Variants in PLA2G5 observed in about 807,000 individuals in gnomAD.
The protein encoded by PLA2G5 is phospholipase A2 group V, also known as Ca2+-dependent phospholipase A2.
PLA2G5 carries 12 observed loss-of-function variants against 15.9 expected under a neutral mutation model. The observed-to-expected ratio is 0.76, with a 90% CI of 0.48 to 1.23. The LOEUF is 1.23. Ranked by LOEUF, PLA2G5 falls within the 50% of genes most tolerant of loss-of-function variation. The pLI is 0.00. For missense variants in PLA2G5, 169 were observed against 177.1 expected, an observed-to-expected ratio of 0.95 and a Z score of 0.26; for synonymous variants, 71 against 71.4, an observed-to-expected ratio of 0.99 and a Z score of 0.03.
chr1:20,060,178 G>A (rs1047586892), intron 2 of PLA2G5, among the ~76,000 whole-genome samples: 1 of 151,504 alleles, frequency 6.6e-6, no homozygotes, highest in African/African-American at 2.4e-5. Context: ...CCATGCTTTT[G>A]GAGGTAGAAC....
chr1:20,084,810 T>C lies in PLA2G5; in HGVS notation c.-10-11T>C. On this transcript the variant is annotated splice_polypyrimidine_tract_variant and intron_variant, in intron 1 of 4. Transcript: ENST00000375108. ...TGATAGATCTGTTGTGGGATGTGTT[T>C]TTTTTTCCAGAACCCCAGAGATGAA... 6.2e-7 allele frequency: 1 copy of C among 1,600,322 alleles called. No individual in the cohort carries two copies. The highest frequency in any genetic ancestry group is 1.1e-5 in the South Asian group (1 of 90,812).
At chr1:20,083,477 C>T (rs2016132988) in intron 1 of PLA2G5, among the ~76,000 whole-genome samples, 1 of 151,702 alleles carries the variant, frequency 6.6e-6, no homozygotes, top group South Asian at 2.1e-4. Flanking sequence ...CCAGGCCTGC[C>T]GAGCTGTGGA....
At chr1:20,058,306 G>A (rs561870508) in intron 1 of PLA2G5, among the ~76,000 whole-genome samples, 3 of 152,086 alleles carry the variant, frequency 2.0e-5, no homozygotes, top group African/African-American at 7.2e-5. Context: ...TTGACACTCC[G>A]TTGTGAGGGG....
At chr1:20,068,951 T>A (rs558862046), upstream of PLA2G5, 1 of 1,288,816 alleles carries the variant, frequency 7.8e-7, no homozygotes, top group Non-Finnish European at 1.0e-6. Context: ...AGGACCCGGA[T>A]GGAAGTTAGG....
At chr1:20,076,186 C>A (rs687905) in intron 1 of PLA2G5, among the ~76,000 whole-genome samples, 1,874 of 152,266 alleles carry the variant, frequency 0.012, 34 homozygotes, top group African/African-American at 0.043. Flanking sequence ...ATGTGGATGT[C>A]TGTCTAGGAT....
chr1:20,087,988 C>G lies in PLA2G5; in HGVS notation c.185+1761C>G, dbSNP rs796864522. On this transcript the variant is annotated intron_variant, in intron 3 of 4. Transcript: ENST00000375108. The stretch of plus-strand genomic sequence containing the variant: ...AATCGTGGGGCATCTTATAAAATGT[C>G]TAACCAGTACCCCCTCAAAACAGTC... Among the ~76,000 whole-genome samples the G allele has an allele frequency of 2.4e-4, 37 of 152,294 alleles. 1 individual carries two copies. The highest frequency in any genetic ancestry group is 6.7e-4 in the African/African-American group (28 of 41,554).
At chr1:20,029,803 G>T (rs539595047) in intron 1 of PLA2G5, among the ~76,000 whole-genome samples, 1 of 152,302 alleles carries the variant, frequency 6.6e-6, no homozygotes, top group African/African-American at 2.4e-5. Context: ...GAATAGTTTG[G>T]TTGTTAGGCA....
chr1:20,075,548 C>T (rs1344138453), intron 1 of PLA2G5, among the ~76,000 whole-genome samples: 2 of 152,174 alleles, frequency 1.3e-5, no homozygotes, highest in Non-Finnish European at 2.9e-5. Flanking sequence ...AGAAAGTTGC[C>T]AGAGGTCACA....
At chr1:20,052,958 T>C (rs945678932) in intron 1 of PLA2G5, among the ~76,000 whole-genome samples, 4 of 152,154 alleles carry the variant, frequency 2.6e-5, no homozygotes, top group African/African-American at 9.7e-5. Context: ...CACTTCAAAT[T>C]GTCCTGCCTT....
chr1:20,029,918 G>A (rs1027733081), intron 1 of PLA2G5, among the ~76,000 whole-genome samples: 1 of 152,228 alleles, frequency 6.6e-6, no homozygotes, highest in African/African-American at 2.4e-5. Flanking sequence ...AACAATAGGG[G>A]TGGGCAGACA....
At chr1:20,057,524 A>G (rs2014496940) in intron 1 of PLA2G5, among the ~76,000 whole-genome samples, 1 of 152,104 alleles carries the variant, frequency 6.6e-6, no homozygotes, top group Non-Finnish European at 1.5e-5. Flanking sequence ...ATATTTAAAG[A>G]GTCTCGCTCT....
At chr1:20,087,497 C>T (rs955932027) in intron 3 of PLA2G5, among the ~76,000 whole-genome samples, 2 of 152,012 alleles carry the variant, frequency 1.3e-5, no homozygotes, top group South Asian at 2.1e-4. Context: ...GGGTTCATGC[C>T]GTTCTCCTGC....
chr1:20,043,810 A>G (rs938778674), intron 1 of PLA2G5, among the ~76,000 whole-genome samples: 1 of 152,192 alleles, frequency 6.6e-6, no homozygotes, highest in East Asian at 1.9e-4. Context: ...CAGCCCCTTG[A>G]AAAGAAGGTA....
rs561419242 is a variant in PLA2G5 at position 20,046,518 on chromosome 1, A to G, written n.277-13114A>G. Among the ~76,000 whole-genome samples, 8 of 152,330 alleles carry G rather than the reference A, an allele frequency of 5.3e-5. No individual in the cohort carries two copies. The South Asian group carries it at 1.7e-3, about 32-fold the overall frequency. On this transcript the variant is annotated intron_variant and non_coding_transcript_variant, in intron 1 of 6. Coordinates refer to the PLA2G5 transcript ENST00000460175. ...CCCTCTCTTGCCATCTGCAGCATCA[A>G]AAATCTAGAAAAGGCTTTTAATGAC...
At position 20,090,732 on chromosome 1, in the gene PLA2G5, C is replaced by T. The variant is rs1341678069; in HGVS notation, c.*40C>T. On this transcript the variant is annotated 3_prime_UTR_variant, in exon 5 of 5. Transcript: ENST00000375108. ...CTCCTCCCAGACCAAGACTTTTGTT[C>T]TGTTTTTCTACAACACAGAGTACTG... 6.2e-6 allele frequency: 10 copies of T among 1,608,954 alleles called. No homozygotes were observed. The highest frequency in any genetic ancestry group is 7.7e-6 in the Non-Finnish European group (9 of 1,175,598).
At chr1:20,090,437 T>G in intron 4 of PLA2G5, 131 bp from the exon 5 acceptor site, 1 of 884,680 alleles carries the variant, frequency 1.1e-6, no homozygotes, top group Non-Finnish European at 1.8e-6. Flanking sequence ...AGATTCTCTA[T>G]TCCCCCGATT....
At chr1:20,030,443 C>T (rs1166550610) in intron 1 of PLA2G5, among the ~76,000 whole-genome samples, 16 of 152,044 alleles carry the variant, frequency 1.1e-4, no homozygotes, top group Admixed American at 7.2e-4. Context: ...AGCCATAAGG[C>T]GGTTTTCTCC....
chr1:20,069,088 T>C (rs2015205225), upstream of PLA2G5: 1 of 475,590 alleles, frequency 2.1e-6, no homozygotes, highest in Admixed American at 2.4e-5. Flanking sequence ...GTGAAAACAA[T>C]GATACGCAAT....
At position 20,070,430 on chromosome 1, in the gene PLA2G5, G is replaced by C; in HGVS notation, c.-46G>C. On this transcript the variant is annotated 5_prime_UTR_variant, in exon 1 of 5. Coordinates refer to ENST00000375108, the MANE Select transcript of PLA2G5 (RefSeq NM_000929.3). Reference sequence around the variant, plus strand: ...CCCAAGGAAGTTGCTCATGGGAGCAGACCTCTAGAGCAGGATTTGAGGCCA... The same window carrying C: ...CCCAAGGAAGTTGCTCATGGGAGCACACCTCTAGAGCAGGATTTGAGGCCA... 1 of 985,500 alleles carries C rather than the reference G, an allele frequency of 1.0e-6. No homozygotes were observed. Among genetic ancestry groups the C allele is most frequent in the Non-Finnish European group, 1.2e-6 (1 of 829,964 alleles). The allele number at this position is 985,500 out of a possible 1,614,324, so 61.0% of individuals were successfully genotyped here.
Sources: gnomAD v4.1 joint callset for allele counts (sites outside exome capture counted in the v4.1 genomes callset) on GRCh38, gnomAD v4.1.1 for gene constraint, MANE v1.5 for transcripts, NCBI Gene and HGNC (gene_info 2026-07-23, HGNC 2026-07-21) for gene names.